The following OFD1 variants were observed in gnomAD, a reference collection of about 807,000 sequenced individuals.
OFD1 encodes centriole and centriolar satellite protein OFD1.
Under a neutral mutation model 81.4 loss-of-function variants are expected in OFD1, and 12 were observed. That is an observed-to-expected ratio of 0.15 (90% CI 0.09 to 0.24). OFD1 has a LOEUF of 0.24. OFD1 is among the 10% of genes least tolerant of loss of function. The pLI, the probability that OFD1 is intolerant of heterozygous loss-of-function variation, is 1.00. For synonymous variants in OFD1, 256 were observed against 263.7 expected (o/e 0.97, Z 0.28); for missense variants, 685 against 733.9 (o/e 0.93, Z 0.77).
Position 13,746,810 on chromosome X carries a change from A to G in OFD1, c.685A>G (p.Lys229Glu). 1.7e-6 allele frequency: 2 copies of G among 1,204,105 alleles called. No individual in the cohort carries two copies. Among genetic ancestry groups the G allele is most frequent in the Non-Finnish European group, 2.2e-6 (2 of 890,679 alleles). ...GTTTTTTAAAGATACCGAGATAGCA[A>G]AAATTAAAATGGAAGCAAAAAAAAA... ...LKFFKDTEIA[K>E]IKMEAKKKYE... The change falls in exon 8 of 23, where the codon AAA becomes GAA. Residue 229 changes from lysine (K) to glutamate (E), a missense_variant. Around this residue, in one of 3 missense-constraint regions of OFD1, gnomAD observed 414 missense variants for 447.2 expected, o/e 0.93. Transcript: ENST00000340096.
chrX:13,753,000 C>T (rs1225314068), intron 10 of OFD1: 6 of 893,575 alleles, frequency 6.7e-6, no homozygotes, highest in African/African-American at 6.4e-5. Context: ...TGGAAGTGAC[C>T]GTCTGATTAT....
At chrX:13,716,823 T>C in the OFD1 span, 2 of 561,619 alleles carry the variant, frequency 3.6e-6, no homozygotes, top group Non-Finnish European at 5.7e-6. Context: ...ATGAGACTTA[T>C]AAAAGATCTG....
Position 13,762,788 on chromosome X carries a change from C to G in OFD1, c.2488+344C>G, listed in dbSNP as rs776016146. Among the ~76,000 whole-genome samples, 5 of 111,578 alleles carry G rather than the reference C, an allele frequency of 4.5e-5. No homozygotes were observed. In the East Asian group the frequency reaches 1.1e-3, roughly 25 times the overall value. On this transcript the variant is annotated intron_variant, in intron 18 of 22. Transcript: ENST00000340096. ...TATTTTTATTTTTTTGAGATGGAGTCTCTCTCTGTTGCCCAGGCTGGAGTA... is the reference window on the plus strand; with the variant it reads ...TATTTTTATTTTTTTGAGATGGAGTGTCTCTCTGTTGCCCAGGCTGGAGTA...
At chrX:13,753,594 T>C (rs752559378) in intron 11 of OFD1, 153 bp downstream of exon 11, 1 of 505,133 alleles carries the variant, frequency 2.0e-6, no homozygotes, top group African/African-American at 2.4e-5. Flanking sequence ...ATTTTATAAA[T>C]TAAAAATCAT....
Position 13,769,176 on chromosome X carries a change from A to G in OFD1, c.*68A>G, listed in dbSNP as rs2048251887. On this transcript the variant is annotated 3_prime_UTR_variant, in exon 23 of 23. Coordinates refer to ENST00000340096, the MANE Select transcript of OFD1 (RefSeq NM_003611.3). ...TTACGTAACATTTACTCCTTTGTAA[A>G]TGTTTCCCTATCATCAGACAAAACT... 9.5e-6 allele frequency: 8 copies of G among 841,146 alleles called. No individual in the cohort carries two copies. Among genetic ancestry groups the G allele is most frequent in the East Asian group, 6.2e-5 (2 of 32,170 alleles). 69.3% of individuals were successfully genotyped at this position (841,146 alleles called of 1,213,427 possible).
chrX:13,719,578 A>G, the OFD1 span, among the ~76,000 whole-genome samples: 3 of 112,182 alleles, frequency 2.7e-5, no homozygotes, highest in Non-Finnish European at 3.8e-5. Context: ...CAAGGCGGCA[A>G]TCCACTACAG....
chrX:13,734,689 T>G, upstream of OFD1: 1 of 952,378 alleles, frequency 1.0e-6, no homozygotes, highest in Non-Finnish European at 1.3e-6. Context: ...ACCAAGCTCA[T>G]GCGCCGTAGC....
At chrX:13,734,620 C>G, upstream of OFD1, 1 of 814,407 alleles carries the variant, frequency 1.2e-6, no homozygotes, top group Non-Finnish European at 1.5e-6. Context: ...GCAGTTCTCG[C>G]GATACCCTGG....
intron 13 of OFD1, among the ~76,000 whole-genome samples, 199 bp from the exon 14 acceptor site, chrX:13,757,461 A>G (rs924994328): frequency 2.7e-5 from 3 of 112,048 alleles, no homozygotes; most frequent in Non-Finnish European, 5.6e-5. Flanking sequence ...GTTTGCATTA[A>G]CATGCACTAA....
At chrX:13,736,432 C>A in intron 2 of OFD1, 46 bp from the exon 3 acceptor site, 2 of 1,172,050 alleles carry the variant, frequency 1.7e-6, no homozygotes, top group Non-Finnish European at 2.3e-6. Flanking sequence ...GCTGAAATTT[C>A]TTTCCCTTGT....
At chrX:13,753,188 A>G in intron 10 of OFD1, 180 bp from the exon 11 acceptor site, 2 of 1,066,937 alleles carry the variant, frequency 1.9e-6, no homozygotes, top group Non-Finnish European at 2.4e-6. Flanking sequence ...GAAGGGTTTT[A>G]CTGGGCATTT....
the OFD1 span, among the ~76,000 whole-genome samples, chrX:13,717,166 A>G: frequency 9.1e-6 from 1 of 110,346 alleles, no homozygotes; most frequent in Admixed American, 9.7e-5. Flanking sequence ...GGTAAGCAGT[A>G]GAGACAGTTG....
chrX:13,738,170 C>T (rs1311413491), intron 3 of OFD1, among the ~76,000 whole-genome samples: 2 of 112,419 alleles, frequency 1.8e-5, no homozygotes, highest in Non-Finnish European at 3.8e-5. Flanking sequence ...TTTGATACAT[C>T]ATTCTCTAAC....
At chrX:13,746,738 T>C in intron 7 of OFD1, 42 bp from the exon 8 acceptor site, 1 of 1,033,204 alleles carries the variant, frequency 9.7e-7, no homozygotes, top group East Asian at 3.1e-5. Flanking sequence ...GTTTTTATAG[T>C]ATAATAGTTG....
downstream of OFD1, chrX:13,771,402 AT>A (rs1197935577): frequency 1.8e-5 from 2 of 108,571 alleles, no homozygotes; most frequent in Non-Finnish European, 3.8e-5. Flanking sequence ...AAAAAAAAAA[AT>A]CCCAAATAGG....
upstream of OFD1, among the ~76,000 whole-genome samples, chrX:13,730,588 A>G (rs1243663060): frequency 1.8e-5 from 2 of 111,760 alleles, no homozygotes; most frequent in Non-Finnish European, 3.8e-5. Context: ...AAGGATTACA[A>G]ATCATGCTAC....
In OFD1 at chrX:13,749,498, A is replaced by G; in HGVS notation, c.900A>G (p.Glu300=). 12 of 1,196,355 alleles carry G rather than the reference A, an allele frequency of 1.0e-5. No individual in the cohort carries two copies. The highest frequency in any genetic ancestry group is 1.4e-5 in the Non-Finnish European group (12 of 882,494). Residue 300 remains glutamate (E), a synonymous_variant, in exon 9 of 23, where the codon GAA becomes GAG. Coordinates refer to ENST00000340096, the MANE Select transcript of OFD1 (RefSeq NM_003611.3). ...LKDMDLLRGR[E]AELKQRVEAF... ...ATATGGATTTGCTAAGAGGAAGAGA[A>G]GCAGAGCTGAAGCAAAGAGTTGAAG...
chrX:13,716,440 C>G, the OFD1 span: 1 of 1,075,382 alleles, frequency 9.3e-7, no homozygotes, highest in Non-Finnish European at 1.3e-6. Context: ...ACTGTGAAGT[C>G]TACAGACTCA....
chrX:13,740,195 T>C, intron 5 of OFD1: 2 of 955,052 alleles, frequency 2.1e-6, no homozygotes, highest in Non-Finnish European at 2.7e-6. Flanking sequence ...CTAGACCATC[T>C]CTACTGAAGT....
Sources: gnomAD v4.1 joint callset for allele counts (sites outside exome capture counted in the v4.1 genomes callset) on GRCh38, gnomAD v4.1.1 for gene constraint, gnomAD v4.1.1 regional missense constraint, MANE v1.5 for transcripts, NCBI Gene and HGNC (gene_info 2026-07-23, HGNC 2026-07-21) for gene names.